ITGA4: variants seen among roughly 807,000 people sequenced by gnomAD.
ITGA4 encodes integrin subunit alpha 4.
A neutral mutation model predicts 133.6 loss-of-function variants in ITGA4; 63 were observed. That is an observed-to-expected ratio of 0.47 (90% confidence interval 0.38 to 0.58). The LOEUF is 0.58. Among genes scored for constraint, ITGA4 ranks in the 20% least tolerant of loss-of-function variants. The pLI, the probability that ITGA4 is intolerant of heterozygous loss-of-function variation, is 0.00. For missense variants in ITGA4, 1,076 were observed against 1,252.7 expected, an observed-to-expected ratio of 0.86 and a Z score of 2.13; for synonymous variants, 483 against 438.0, an observed-to-expected ratio of 1.10 and a Z score of -1.28.
intron 26 of ITGA4, 72 bp downstream of exon 26, chr2:181,534,442 C>T: frequency 1.1e-6 from 1 of 918,020 alleles, no homozygotes; most frequent in Non-Finnish European, 1.7e-6. Context: ...ATAATTACTT[C>T]CTTCTGAGTA....
At chr2:181,465,476 T>G (rs1402276194) in intron 2 of ITGA4, among the ~76,000 whole-genome samples, 1 of 152,138 alleles carries the variant, frequency 6.6e-6, no homozygotes, top group African/African-American at 2.4e-5. Flanking sequence ...CATGGAACTT[T>G]AATACTGACC....
At chr2:181,515,680 A>G (rs1451277851) in intron 17 of ITGA4, among the ~76,000 whole-genome samples, 1 of 152,102 alleles carries the variant, frequency 6.6e-6, no homozygotes, top group African/African-American at 2.4e-5. Context: ...TTCAAATGAG[A>G]GCCCTTCTAA....
rs79689303 is a variant in ITGA4 at position 181,460,566 on chromosome 2, A to AATATGTGTGTGTGTGT, written c.319+2249_319+2250insATATGTGTGTGTGTGT. 2.9e-3 allele frequency among the ~76,000 whole-genome samples: 424 copies of AATATGTGTGTGTGTGT among 148,058 alleles called. 2 individuals carry two copies. Among genetic ancestry groups the AATATGTGTGTGTGTGT allele is most frequent in the African/African-American group, 9.2e-3 (371 of 40,318 alleles). ...ATATATAAGCCATCTTCTGTAGAAG[A>AATATGTGTGTGTGTGT]GTGTGTGTGTGTGTGTGTGTGTGTG... On this transcript the variant is annotated intron_variant, in intron 2 of 27. Coordinates refer to ENST00000397033, the MANE Select transcript of ITGA4 (RefSeq NM_000885.6).
intron 2 of ITGA4, among the ~76,000 whole-genome samples, chr2:181,466,322 C>A (rs1321339810): frequency 1.3e-5 from 2 of 152,020 alleles, no homozygotes; most frequent in African/African-American, 2.4e-5. Context: ...AAATAACTGG[C>A]TTTTTCAGGA....
intron 2 of ITGA4, among the ~76,000 whole-genome samples, chr2:181,468,783 A>G (rs567820486): frequency 1.3e-5 from 2 of 152,334 alleles, no homozygotes; most frequent in Admixed American, 6.5e-5. Context: ...CCCAAATTAA[A>G]AAAAATAGGA....
intron 27 of ITGA4, 64 bp downstream of exon 27, chr2:181,534,999 A>G (rs1394825825): frequency 1.4e-6 from 2 of 1,481,340 alleles, no homozygotes; most frequent in Non-Finnish European, 9.0e-7. Context: ...AGCCAATTTG[A>G]CTTCCAAGTT....
chr2:181,477,728 C>T (rs920522000), intron 4 of ITGA4, among the ~76,000 whole-genome samples: 7 of 152,112 alleles, frequency 4.6e-5, no homozygotes, highest in African/African-American at 1.7e-4. Flanking sequence ...GAAAAGGGAA[C>T]CCTTGCACAC....
intron 4 of ITGA4, among the ~76,000 whole-genome samples, chr2:181,477,220 T>C (rs1685697498): frequency 6.6e-6 from 1 of 152,080 alleles, no homozygotes; most frequent in Non-Finnish European, 1.5e-5. Flanking sequence ...TCAACTAAAA[T>C]GGATTAAAGA....
At chr2:181,494,449 C>G (rs1208589681) in intron 11 of ITGA4, among the ~76,000 whole-genome samples, 2 of 152,110 alleles carry the variant, frequency 1.3e-5, no homozygotes, top group African/African-American at 4.8e-5. Flanking sequence ...CTCTAAAAGA[C>G]TTGAGAGGGA....
At chr2:181,513,913 G>T (rs1246020680) in intron 17 of ITGA4, among the ~76,000 whole-genome samples, 4 of 152,128 alleles carry the variant, frequency 2.6e-5, no homozygotes, top group African/African-American at 9.7e-5. Context: ...ATTATTGAAA[G>T]TCTGTCTCCA....
At chr2:181,457,259 C>T (rs202007637), upstream of ITGA4, 89 of 197,394 alleles carry the variant, frequency 4.5e-4, no homozygotes, top group Non-Finnish European at 6.9e-4. Context: ...GAGGCCCGGG[C>T]CAGGACGCGA....
In ITGA4 at chr2:181,468,476, T is replaced by C. The variant is rs573994964; in HGVS notation, c.320-6484T>C. On this transcript the variant is annotated intron_variant, in intron 2 of 27. Transcript: ENST00000397033. Reference sequence around the variant, plus strand: ...CCTGCCTACTGCATGTAAGGCACTATCTTGAGCTGTGGGAATGCTGCTGTC... The same window carrying C: ...CCTGCCTACTGCATGTAAGGCACTACCTTGAGCTGTGGGAATGCTGCTGTC... Among the ~76,000 whole-genome samples the C allele has an allele frequency of 2.6e-5, 4 of 152,226 alleles. No homozygotes were observed. In the South Asian group the frequency reaches 8.3e-4, roughly 32 times the overall value.
chr2:181,499,785 T>G (rs935811893), intron 15 of ITGA4, among the ~76,000 whole-genome samples: 3 of 152,206 alleles, frequency 2.0e-5, no homozygotes, highest in African/African-American at 7.2e-5. Flanking sequence ...TTTTTCATGC[T>G]TCATAGATGT....
intron 2 of ITGA4, among the ~76,000 whole-genome samples, chr2:181,468,987 A>T (rs1685485645): frequency 6.6e-6 from 1 of 152,166 alleles, no homozygotes; most frequent in Non-Finnish European, 1.5e-5. Flanking sequence ...TATGGAGCTG[A>T]TTTGATTTAC....
chr2:181,471,424 A>G (rs921300598), intron 2 of ITGA4, among the ~76,000 whole-genome samples: 3 of 152,232 alleles, frequency 2.0e-5, no homozygotes, highest in Non-Finnish European at 4.4e-5. Context: ...AACCTTAACA[A>G]AAATGAAAAT....
At chr2:181,509,592 G>A in intron 15 of ITGA4, 66 bp from the exon 16 acceptor site, 1 of 1,276,460 alleles carries the variant, frequency 7.8e-7, no homozygotes, top group East Asian at 2.5e-5. Context: ...TTCAGGAAAG[G>A]AGTTTTATTT....
Position 181,537,041 on chromosome 2 carries a change from T to TGAGTAGTGAAATGTA in ITGA4, c.*1515_*1529dup, listed in dbSNP as rs1458295319. 2 of 444,674 alleles carry TGAGTAGTGAAATGTA rather than the reference T, an allele frequency of 4.5e-6. No homozygotes were observed. Among genetic ancestry groups the TGAGTAGTGAAATGTA allele is most frequent in the African/African-American group, 4.0e-5 (2 of 49,594 alleles). The allele number at this position is 444,674 out of a possible 1,614,324, so 27.5% of individuals were successfully genotyped here. On this transcript the variant is annotated 3_prime_UTR_variant, in exon 28 of 28. Transcript: ENST00000397033. ...ATGTTCTGAGATTTGCGAAGGCATT[T>TGAGTAGTGAAATGTA]GAGTAGTGAAATGTAAGCACAAAAC...
Position 181,499,108 on chromosome 2 carries a change from A to T in ITGA4, c.1695+331A>T, listed in dbSNP as rs376745017. On this transcript the variant is annotated intron_variant, in intron 15 of 27. Transcript: ENST00000397033. The stretch of plus-strand genomic sequence containing the variant: ...TCTTCAGTAGCTCAACTGAGCCTCA[A>T]ATCTATTCCGTGGTACGTTTTTTGG... Among the ~76,000 whole-genome samples the T allele has an allele frequency of 1.2e-3, 187 of 152,258 alleles. 1 individual carries two copies. Among genetic ancestry groups the T allele is most frequent in the African/African-American group, 4.2e-3 (174 of 41,566 alleles).
intron 10 of ITGA4, among the ~76,000 whole-genome samples, chr2:181,488,292 G>A (rs1467697338): frequency 4.6e-5 from 7 of 152,150 alleles, no homozygotes; most frequent in Non-Finnish European, 1.0e-4. Context: ...TCAGGGGACA[G>A]TGCAGTCTCT....
Sources: gnomAD v4.1 joint callset for allele counts (sites outside exome capture counted in the v4.1 genomes callset) on GRCh38, gnomAD v4.1.1 for gene constraint, MANE v1.5 for transcripts, NCBI Gene and HGNC (gene_info 2026-07-23, HGNC 2026-07-21) for gene names.